HIRA: variants seen among roughly 807,000 people sequenced by gnomAD.
The protein encoded by HIRA is histone cell cycle regulator.
A neutral mutation model predicts 126.6 loss-of-function variants in HIRA; 13 were observed. That is an observed-to-expected ratio of 0.10 (90% CI 0.07 to 0.16). HIRA has a LOEUF of 0.16. Ranked by LOEUF, HIRA falls within the 10% of genes least tolerant of loss-of-function variation. The pLI, the probability that HIRA is intolerant of heterozygous loss-of-function variation, is 1.00. For missense variants in HIRA, 834 were observed against 1,314.4 expected, an observed-to-expected ratio of 0.63 and a Z score of 5.65; for synonymous variants, 511 against 520.0, an observed-to-expected ratio of 0.98 and a Z score of 0.24.
At chr22:19,399,117 A>C (rs1264656541) in intron 5 of HIRA, 2 of 985,290 alleles carry the variant, frequency 2.0e-6, no homozygotes, top group East Asian at 2.3e-4. Flanking sequence ...CGATGGTGCC[A>C]ACCTTGCCTA....
chr22:19,417,719 T>G (rs944888306), intron 1 of HIRA, among the ~76,000 whole-genome samples: 1 of 152,134 alleles, frequency 6.6e-6, no homozygotes, highest in South Asian at 2.1e-4. Flanking sequence ...GTTAAAAATA[T>G]AATTACCATA....
At chr22:19,404,527 A>C (rs1156267370) in intron 5 of HIRA, among the ~76,000 whole-genome samples, 1 of 152,164 alleles carries the variant, frequency 6.6e-6, no homozygotes, top group Non-Finnish European at 1.5e-5. Flanking sequence ...GCTTTCACAA[A>C]TGTGGACTCA....
At position 19,385,579 on chromosome 22, in the gene HIRA, C is replaced by T. The variant is rs2089119366; in HGVS notation, c.1271G>A (p.Gly424Asp). The T allele has an allele frequency of 6.2e-7, 1 of 1,614,042 alleles. No individual in the cohort carries two copies. Among genetic ancestry groups the T allele is most frequent in the Non-Finnish European group, 8.5e-7 (1 of 1,180,052 alleles). Residue 424 changes from glycine (G) to aspartate (D), a missense_variant, in exon 12 of 25, where the codon GGC (glycine) becomes GAC (aspartate). Around this residue, in one of 5 missense-constraint regions of HIRA, gnomAD observed 153 missense variants for 270.6 expected, o/e 0.57. Transcript: ENST00000263208. ...DQKSAATREM[G>D]SATSVAGVVN... ...AACGCCTGCGACTGAGGTGGCTGAGCCCATCTCCCTGGTCGCAGCACTCTT... is the reference window on the plus strand; with the variant it reads ...AACGCCTGCGACTGAGGTGGCTGAGTCCATCTCCCTGGTCGCAGCACTCTT...
chr22:19,427,142 G>C (rs903062728), intron 1 of HIRA, among the ~76,000 whole-genome samples: 2 of 152,098 alleles, frequency 1.3e-5, no homozygotes, highest in East Asian at 1.9e-4. Context: ...TCCATGAGTG[G>C]GCTGTCCTGC....
chr22:19,425,167 T>C (rs1425956768), intron 1 of HIRA, among the ~76,000 whole-genome samples: 2 of 152,108 alleles, frequency 1.3e-5, no homozygotes, highest in Non-Finnish European at 2.9e-5. Context: ...AAAATTGGGG[T>C]TCTGCTAACA....
At chr22:19,367,229 T>C (rs1407201734) in intron 15 of HIRA, among the ~76,000 whole-genome samples, 3 of 152,190 alleles carry the variant, frequency 2.0e-5, no homozygotes, top group Non-Finnish European at 2.9e-5. Context: ...TATTTTTCCA[T>C]AGTACAGTCA....
chr22:19,414,879 T>C (rs1351123065), intron 1 of HIRA, among the ~76,000 whole-genome samples: 1 of 152,070 alleles, frequency 6.6e-6, no homozygotes, highest in Non-Finnish European at 1.5e-5. Context: ...AGAGTGAGAC[T>C]GTCTCAAGAA....
At chr22:19,424,164 CAA>C (rs747603900) in intron 1 of HIRA, among the ~76,000 whole-genome samples, 3 of 152,184 alleles carry the variant, frequency 2.0e-5, no homozygotes, top group Non-Finnish European at 2.9e-5. Context: ...TGAGCAAAGA[CAA>C]AGTCTGTTTT....
intron 1 of HIRA, among the ~76,000 whole-genome samples, chr22:19,412,559 G>A (rs1427833004): frequency 2.0e-5 from 3 of 152,174 alleles, no homozygotes; most frequent in East Asian, 3.8e-4. Context: ...TGGTCTTGAC[G>A]GGCAATCAGG....
intron 17 of HIRA, 51 bp downstream of exon 17, chr22:19,361,186 G>T: frequency 7.4e-7 from 1 of 1,356,458 alleles, no homozygotes; most frequent in Non-Finnish European, 1.1e-6. Flanking sequence ...GTAGGGGACA[G>T]AGAATGTCTG....
intron 24 of HIRA, among the ~76,000 whole-genome samples, chr22:19,335,453 C>T (rs2088556307): frequency 6.6e-6 from 1 of 152,136 alleles, no homozygotes; most frequent in Non-Finnish European, 1.5e-5. Context: ...CCACGTTGGC[C>T]AGGCTGGTCT....
Position 19,415,572 on chromosome 22 carries a change from T to C in HIRA, c.38-4794A>G, listed in dbSNP as rs2089389299. The stretch of plus-strand genomic sequence containing the variant: ...GGGAGGCTGAGGTGGGTGGATCACA[T>C]GAGGTTGGGAGTCCAAGACCAGCCT... On this transcript the variant is annotated intron_variant, in intron 1 of 24. Coordinates refer to ENST00000263208, the MANE Select transcript of HIRA (RefSeq NM_003325.4). 3.3e-5 allele frequency among the ~76,000 whole-genome samples: 5 copies of C among 152,164 alleles called. No individual in the cohort carries two copies. The South Asian group carries it at 1.0e-3, about 32-fold the overall frequency.
chr22:19,385,077 C>A, intron 12 of HIRA, among the ~76,000 whole-genome samples: 1 of 152,290 alleles, frequency 6.6e-6, no homozygotes, highest in Non-Finnish European at 1.5e-5. Flanking sequence ...TCAGCCTACA[C>A]AGGCTCCTGG....
intron 1 of HIRA, among the ~76,000 whole-genome samples, chr22:19,416,188 G>A (rs1289964525): frequency 6.6e-6 from 1 of 152,230 alleles, no homozygotes; most frequent in East Asian, 1.9e-4. Flanking sequence ...AAAGAATGAA[G>A]TTGGATCCCT....
chr22:19,404,976 G>T (rs1207505044), intron 5 of HIRA, among the ~76,000 whole-genome samples: 1 of 152,162 alleles, frequency 6.6e-6, no homozygotes, highest in Non-Finnish European at 1.5e-5. Context: ...CTGTCACAAT[G>T]ACCTCTCTGT....
At chr22:19,355,721 A>G (rs781943159) in intron 21 of HIRA, 39 bp downstream of exon 21, 2 of 1,438,012 alleles carry the variant, frequency 1.4e-6, no homozygotes, top group Admixed American at 1.7e-5. Flanking sequence ...GCAGACAGAC[A>G]CTCTTCCAGG....
At position 19,385,578 on chromosome 22, in the gene HIRA, G is replaced by C; in HGVS notation, c.1272C>G (p.Gly424=). 6.2e-7 allele frequency: 1 copy of C among 1,614,172 alleles called. No homozygotes were observed. Among genetic ancestry groups the C allele is most frequent in the South Asian group, 1.1e-5 (1 of 91,092 alleles). The change falls in exon 12 of 25, where the codon GGC becomes GGG. Residue 424 remains glycine, a synonymous_variant. Transcript: ENST00000263208. ...DQKSAATREM[G]SATSVAGVVN... is the part of the protein sequence containing the mutation. ...CAACGCCTGCGACTGAGGTGGCTGAGCCCATCTCCCTGGTCGCAGCACTCT... is the reference window on the plus strand; with the variant it reads ...CAACGCCTGCGACTGAGGTGGCTGACCCCATCTCCCTGGTCGCAGCACTCT...
rs1161939492 is a variant in HIRA, at chr22:19,431,652, C to T, written c.-176G>A. 5.4e-6 allele frequency: 3 copies of T among 560,230 alleles called. No individual in the cohort carries two copies. Among genetic ancestry groups the T allele is most frequent in the East Asian group, 5.5e-5 (1 of 18,344 alleles). The allele number at this position is 560,230 out of a possible 1,614,324, so 34.7% of individuals were successfully genotyped here. ...CCCGCGCCCCCCTCCGCCGCCACAG[C>T]CGCCACCCGCGCTCGGCCGCCGCCG... On this transcript the variant is annotated 5_prime_UTR_variant, in exon 1 of 25. Transcript: ENST00000263208.
chr22:19,389,645 A>T (rs1490125438), intron 9 of HIRA, among the ~76,000 whole-genome samples: 1 of 152,146 alleles, frequency 6.6e-6, no homozygotes, highest in Non-Finnish European at 1.5e-5. Context: ...CCCTCCTCTC[A>T]TAAATGTGCC....
Sources: allele counts gnomAD v4.1 joint callset (sites outside exome capture counted in the v4.1 genomes callset), GRCh38; gene constraint gnomAD v4.1.1; regional missense constraint gnomAD v4.1.1; transcripts MANE v1.5; gene names NCBI Gene and HGNC (gene_info 2026-07-23, HGNC 2026-07-21).